CRYL1: variants seen among roughly 807,000 people sequenced by gnomAD.
The protein encoded by CRYL1 is crystallin lambda 1, also known as lambda-crystallin homolog.
CRYL1 carries 29 observed loss-of-function variants against 36.6 expected under a neutral mutation model. That is an observed-to-expected ratio of 0.79 (90% CI 0.59 to 1.08). The LOEUF is 1.08. Among genes scored for constraint, CRYL1 ranks in the 50% least tolerant of loss-of-function variants. The pLI is 0.00. For synonymous variants in CRYL1, 152 were observed against 151.5 expected, an observed-to-expected ratio of 1.00 and a Z score of -0.02; for missense variants, 411 against 407.9, an observed-to-expected ratio of 1.01 and a Z score of -0.06.
At chr13:20,496,613 T>A (rs34208787) in intron 2 of CRYL1, among the ~76,000 whole-genome samples, 6,732 of 152,084 alleles carry the variant, frequency 0.044, 408 homozygotes, top group African/African-American at 0.13. Flanking sequence ...GATCTTTTTT[T>A]AAAAGCATAG....
At chr13:20,442,629 A>G (rs1475790302) in intron 3 of CRYL1, among the ~76,000 whole-genome samples, 5 of 152,144 alleles carry the variant, frequency 3.3e-5, no homozygotes, top group Non-Finnish European at 5.9e-5. Flanking sequence ...CAACCCATGC[A>G]CTCTCAACTC....
intron 3 of CRYL1, chr13:20,472,883 G>C (rs866964054): frequency 6.6e-6 from 1 of 152,426 alleles, no homozygotes; most frequent in Non-Finnish European, 1.5e-5. Context: ...GGGCCAGGGA[G>C]GGGAGGGCAG....
At chr13:20,410,662 C>T (rs754978779) in intron 6 of CRYL1, among the ~76,000 whole-genome samples, 5 of 152,074 alleles carry the variant, frequency 3.3e-5, no homozygotes, top group Admixed American at 6.5e-5. Flanking sequence ...AAAAGTAGTA[C>T]GTGAAAGAAA....
intron 3 of CRYL1, among the ~76,000 whole-genome samples, chr13:20,457,951 G>T (rs1258658856): frequency 6.6e-6 from 1 of 152,198 alleles, no homozygotes. Context: ...CCCCGGCAGA[G>T]CCTCGAAAGC....
At chr13:20,491,186 C>T (rs528500709) in intron 2 of CRYL1, among the ~76,000 whole-genome samples, 7 of 152,206 alleles carry the variant, frequency 4.6e-5, no homozygotes, top group Admixed American at 1.3e-4. Flanking sequence ...GGATTATAAG[C>T]GTGAGCCACA....
At chr13:20,473,516 A>T (rs1190135037) in intron 3 of CRYL1, among the ~76,000 whole-genome samples, 1 of 152,260 alleles carries the variant, frequency 6.6e-6, no homozygotes, top group Non-Finnish European at 1.5e-5. Flanking sequence ...GGACCTGGCC[A>T]GAGTGGGTGG....
At chr13:20,431,758 C>A (rs2032065102) in intron 5 of CRYL1, 1 of 1,216,542 alleles carries the variant, frequency 8.2e-7, no homozygotes, top group Middle Eastern at 3.3e-4. Context: ...AATTATAACA[C>A]TGAGGGGTAA....
chr13:20,439,533 A>AAAAAAAAAAG, intron 4 of CRYL1, 60 bp downstream of exon 4: 1 of 1,284,614 alleles, frequency 7.8e-7, no homozygotes, highest in Non-Finnish European at 1.0e-6. Flanking sequence ...AAAAAAAAGA[A>AAAAAAAAAAG]AAAAAAAAAA....
At position 20,489,413 on chromosome 13, in the gene CRYL1, C is replaced by T. The variant is rs1490173828; in HGVS notation, c.233G>A (p.Cys78Tyr). ...VEEQLSLISG[C>Y]PNIQEAVEGA... ...CTCTACTGCTTCTTGGATATTGGGA[C>T]AACCACTGATGAGTGACAGCTGCTC... Residue 78 changes from cysteine to tyrosine, a missense_variant, in exon 3 of 8, where the codon TGT becomes TAT. Coordinates refer to ENST00000298248, the MANE Select transcript of CRYL1 (RefSeq NM_015974.3). 1 of 1,613,632 alleles carries T rather than the reference C, an allele frequency of 6.2e-7. No individual in the cohort carries two copies. Among genetic ancestry groups the T allele is most frequent in the Non-Finnish European group, 8.5e-7 (1 of 1,180,014 alleles).
intron 4 of CRYL1, among the ~76,000 whole-genome samples, chr13:20,437,956 G>A (rs2032267992): frequency 6.6e-6 from 1 of 152,120 alleles, no homozygotes; most frequent in African/African-American, 2.4e-5. Flanking sequence ...AGGTCTCCAG[G>A]AGCCCTGTCC....
intron 3 of CRYL1, among the ~76,000 whole-genome samples, chr13:20,462,582 A>G (rs968164203): frequency 6.6e-6 from 1 of 150,402 alleles, no homozygotes; most frequent in African/African-American, 2.5e-5. Context: ...TCTTGGCCAT[A>G]TTTCCAAGGA....
At chr13:20,480,043 C>T (rs1022134921) in intron 3 of CRYL1, among the ~76,000 whole-genome samples, 1 of 152,172 alleles carries the variant, frequency 6.6e-6, no homozygotes, top group South Asian at 2.1e-4. Context: ...CAGCTAGATC[C>T]CAGCCTTCCA....
At chr13:20,404,778 A>G (rs2031320909) in intron 6 of CRYL1, 37 bp from the exon 7 acceptor site, 1 of 1,388,010 alleles carries the variant, frequency 7.2e-7, no homozygotes, top group Non-Finnish European at 1.0e-6. Context: ...ACAATCTCAG[A>G]AAAAAACATT....
intron 7 of CRYL1, 39 bp from the exon 8 acceptor site, chr13:20,404,281 G>T: frequency 7.5e-7 from 1 of 1,335,926 alleles, no homozygotes; most frequent in Non-Finnish European, 1.1e-6. Context: ...CAATAAAGAG[G>T]AAATAATTTA....
intron 5 of CRYL1, among the ~76,000 whole-genome samples, chr13:20,416,027 G>A (rs1330948982): frequency 6.6e-6 from 1 of 152,208 alleles, no homozygotes; most frequent in Non-Finnish European, 1.5e-5. Flanking sequence ...GGCCCGGGCC[G>A]CGGCTGGGGC....
chr13:20,494,425 A>G (rs1202486411), intron 2 of CRYL1, among the ~76,000 whole-genome samples: 1 of 152,236 alleles, frequency 6.6e-6, no homozygotes, highest in African/African-American at 2.4e-5. Flanking sequence ...CTTTTTAAGT[A>G]AACAAAACCT....
At chr13:20,422,457 C>T (rs528014891) in intron 5 of CRYL1, among the ~76,000 whole-genome samples, 13 of 152,032 alleles carry the variant, frequency 8.6e-5, no homozygotes, top group Non-Finnish European at 1.8e-4. Flanking sequence ...TTGACATTAT[C>T]CCTGCGAACA....
Position 20,499,522 on chromosome 13 carries a change from A to G in CRYL1, c.150-10026T>C, listed in dbSNP as rs546026156. Among the ~76,000 whole-genome samples, 793 of 151,418 alleles carry G rather than the reference A, an allele frequency of 5.2e-3. 6 individuals are homozygous for G. Among genetic ancestry groups the G allele is most frequent in the African/African-American group, 0.018 (738 of 41,220 alleles). ...AAAAAAATTAGCCGGGCGTGGTGGC[A>G]GGCGCCTGTAGTCCCAGCTACTAGG... On this transcript the variant is annotated intron_variant, in intron 2 of 7. Transcript: ENST00000298248.
intron 3 of CRYL1, among the ~76,000 whole-genome samples, chr13:20,452,424 G>C (rs2032591209): frequency 6.6e-6 from 1 of 152,012 alleles, no homozygotes; most frequent in South Asian, 2.1e-4. Context: ...TAAGAAACAA[G>C]AAATGTTATC....
Sources: allele counts gnomAD v4.1 joint callset (sites outside exome capture counted in the v4.1 genomes callset), GRCh38; gene constraint gnomAD v4.1.1; transcripts MANE v1.5; gene names NCBI Gene and HGNC (gene_info 2026-07-23, HGNC 2026-07-21).